The following TEF variants were observed in gnomAD, a reference collection of about 807,000 sequenced individuals.
The protein encoded by TEF is thyrotroph embryonic factor.
Under a neutral mutation model 20.8 loss-of-function variants are expected in TEF, and 3 were observed. The ratio of observed to expected loss-of-function variants is 0.14; its 90% confidence interval spans 0.07 to 0.37. The LOEUF (loss-of-function observed/expected upper bound fraction) is 0.37, where lower values mean the gene tolerates loss of function less well. Among genes scored for constraint, TEF ranks in the 10% least tolerant of loss-of-function variants. The probability of loss-of-function intolerance (pLI) is 1.00; values close to 1 mark genes in which losing one functional copy is unlikely to be tolerated. For missense variants in TEF, 296 were observed against 397.9 expected, an observed-to-expected ratio of 0.74 and a Z score of 2.18; for synonymous variants, 180 against 171.1, an observed-to-expected ratio of 1.05 and a Z score of -0.41.
At chr22:41,376,324 C>T (rs982799494) in intron 1 of TEF, among the ~76,000 whole-genome samples, 1 of 152,188 alleles carries the variant, frequency 6.6e-6, no homozygotes, top group Admixed American at 6.5e-5. Flanking sequence ...GCAACTTCCG[C>T]CTCCTGGGTT....
At chr22:41,395,333 A>G (rs2037214558) in intron 3 of TEF, among the ~76,000 whole-genome samples, 1 of 152,034 alleles carries the variant, frequency 6.6e-6, no homozygotes, top group Non-Finnish European at 1.5e-5. Flanking sequence ...AAGATAAGGG[A>G]CCTGTGATAT....
chr22:41,377,370 TTC>T (rs1021962471), upstream of TEF: 3 of 152,232 alleles, frequency 2.0e-5, no homozygotes, highest in Admixed American at 6.5e-5. Context: ...ACCTTTATTT[TTC>T]TCTTTCTCTT....
In TEF at chr22:41,396,967, T is replaced by C; in HGVS notation, c.*1007T>C. 2.5e-6 allele frequency: 1 copy of C among 398,692 alleles called. No individual in the cohort carries two copies. The highest frequency in any genetic ancestry group is 4.4e-6 in the Non-Finnish European group (1 of 226,152). The allele number at this position is 398,692 out of a possible 1,614,324, so 24.7% of individuals were successfully genotyped here. A position where few individuals can be genotyped will look rare whatever the true frequency, so the allele number is the denominator to read the frequency against. Reference sequence around the variant, plus strand: ...ATGGGCATGAGAGCTGGGGTGTGTTTCTTGAGAAGCTCCCTTTTTTCTTGC... The same window carrying C: ...ATGGGCATGAGAGCTGGGGTGTGTTCCTTGAGAAGCTCCCTTTTTTCTTGC... On this transcript the variant is annotated 3_prime_UTR_variant, in exon 4 of 4. Coordinates refer to ENST00000266304, the MANE Select transcript of TEF (RefSeq NM_003216.4).
intron 1 of TEF, among the ~76,000 whole-genome samples, chr22:41,368,438 G>A (rs1008884007): frequency 6.6e-6 from 1 of 151,950 alleles, no homozygotes. Context: ...ATCCTGCTGT[G>A]CCAGCACCTG....
At chr22:41,380,746 C>T (rs2037006914), upstream of TEF, among the ~76,000 whole-genome samples, 1 of 152,104 alleles carries the variant, frequency 6.6e-6, no homozygotes, top group African/African-American at 2.4e-5. Context: ...TTGTGTACCG[C>T]GCCACATATT....
intron 2 of TEF, among the ~76,000 whole-genome samples, chr22:41,392,105 C>G (rs1341999940): frequency 6.6e-6 from 1 of 152,134 alleles, no homozygotes; most frequent in East Asian, 1.9e-4. Flanking sequence ...ATTTTGTATA[C>G]TCCTATCAGT....
At chr22:41,379,520 C>T (rs1421293234), upstream of TEF, among the ~76,000 whole-genome samples, 1 of 143,422 alleles carries the variant, frequency 7.0e-6, no homozygotes, top group Non-Finnish European at 1.5e-5. Context: ...AAACAAAAAA[C>T]AAAAAACAAA....
intron 1 of TEF, among the ~76,000 whole-genome samples, chr22:41,376,168 G>T (rs1313321293): frequency 6.6e-6 from 1 of 152,176 alleles, no homozygotes; most frequent in African/African-American, 2.4e-5. Flanking sequence ...AATCCAAATT[G>T]GCAAAATGGC....
At chr22:41,370,059 T>A (rs1197888332) in intron 1 of TEF, 1 of 984,804 alleles carries the variant, frequency 1.0e-6, no homozygotes, top group South Asian at 4.7e-5. Context: ...AGGTGTGCTC[T>A]CCCCATGCTC....
chr22:41,382,231 TGGGGGCGGGGCTTATAC>T, intron 1 of TEF, 30 bp downstream of exon 1: 1 of 234,340 alleles, frequency 4.3e-6, no homozygotes, highest in South Asian at 2.1e-4. Flanking sequence ...CCGCGCGGGC[TGGGGGCGGGGCTTATAC>T]AGGGGCGGGG....
intron 1 of TEF, chr22:41,368,999 G>A (rs1713691378): frequency 3.2e-6 from 3 of 944,178 alleles, no homozygotes; most frequent in Admixed American, 6.2e-5. Flanking sequence ...ATTTCCAAAA[G>A]CTAAGGTAGA....
At chr22:41,374,860 T>C (rs1443053860) in intron 1 of TEF, among the ~76,000 whole-genome samples, 1 of 152,058 alleles carries the variant, frequency 6.6e-6, no homozygotes. Flanking sequence ...TCTTGTTGTT[T>C]CAAGGGTAGC....
intron 1 of TEF, among the ~76,000 whole-genome samples, chr22:41,383,518 C>T (rs957727113): frequency 6.6e-6 from 1 of 152,166 alleles, no homozygotes; most frequent in Non-Finnish European, 1.5e-5. Context: ...ATTAACAGTC[C>T]TAGAGGGTAT....
chr22:41,396,162 C>G lies in TEF; in HGVS notation c.*202C>G. ...CGTCCCTGAGGGGCCAGTCTCCTCA[C>G]TGGTGGGGAACGCAAGAGAATCTGC... is the stretch of plus-strand genomic sequence containing the variant. On this transcript the variant is annotated 3_prime_UTR_variant, in exon 4 of 4. Transcript: ENST00000266304. 1 of 579,118 alleles carries G rather than the reference C, an allele frequency of 1.7e-6. No individual in the cohort carries two copies. Among genetic ancestry groups the G allele is most frequent in the Non-Finnish European group, 3.1e-6 (1 of 327,254 alleles). The allele number at this position is 579,118 out of a possible 1,614,324, so 35.9% of individuals were successfully genotyped here. A position where few individuals can be genotyped will look rare whatever the true frequency, so the allele number is the denominator to read the frequency against.
At position 41,398,701 on chromosome 22, in the gene TEF, C is replaced by CACTT. The variant is rs1347856622; in HGVS notation, c.*2743_*2746dup. On this transcript the variant is annotated 3_prime_UTR_variant, in exon 4 of 4. Coordinates refer to ENST00000266304, the MANE Select transcript of TEF (RefSeq NM_003216.4). ...GTCTGGCTTCTGAGGTTGGAGGGGG[C>CACTT]ACTTAGCAGTGAACCTTAAGTCTGG... is the stretch of plus-strand genomic sequence containing the variant. 1.3e-5 allele frequency: 2 copies of CACTT among 152,260 alleles called. No homozygotes were observed. The highest frequency in any genetic ancestry group is 4.8e-5 in the African/African-American group (2 of 41,442). 9.4% of individuals were successfully genotyped at this position (152,260 alleles called of 1,614,324 possible). A position where few individuals can be genotyped will look rare whatever the true frequency, so the allele number is the denominator to read the frequency against.
chr22:41,383,864 C>A (rs970769522), intron 1 of TEF, among the ~76,000 whole-genome samples: 3 of 152,246 alleles, frequency 2.0e-5, no homozygotes, highest in Non-Finnish European at 4.4e-5. Flanking sequence ...ACATGGGTCA[C>A]AGTCATTTCT....
chr22:41,390,690 G>T (rs1028205585), intron 2 of TEF, among the ~76,000 whole-genome samples: 8 of 151,676 alleles, frequency 5.3e-5, no homozygotes, highest in African/African-American at 1.9e-4. Flanking sequence ...GTAGAGACAG[G>T]GTTTCACCGT....
In TEF at chr22:41,374,787, A is replaced by C. The variant is rs139133840; in HGVS notation, c.67+7188A>C. Among the ~76,000 whole-genome samples, 73 of 152,296 alleles carry C rather than the reference A, an allele frequency of 4.8e-4. 1 individual carries two copies. The East Asian group carries it at 0.014, about 29-fold the overall frequency. On this transcript the variant is annotated intron_variant, in intron 1 of 3. Coordinates refer to the TEF transcript ENST00000406644. ...GAAGTGGATCATTGTAAAGGTCTTC[A>C]GCCTTGTCTCCATATTGAGTAGGCT...
intron 1 of TEF, among the ~76,000 whole-genome samples, chr22:41,374,054 G>T (rs937638959): frequency 2.6e-5 from 4 of 151,944 alleles, no homozygotes; most frequent in Non-Finnish European, 4.4e-5. Context: ...GAGCCACCGC[G>T]CCCAGCCTAT....
Sources: allele counts gnomAD v4.1 joint callset (sites outside exome capture counted in the v4.1 genomes callset), GRCh38; gene constraint gnomAD v4.1.1; transcripts MANE v1.5; gene names NCBI Gene and HGNC (gene_info 2026-07-23, HGNC 2026-07-21).